LIN7A: variants seen among roughly 807,000 people sequenced by gnomAD.
LIN7A encodes the protein lin-7 cell polarity scaffold A, also known as protein lin-7 homolog A.
A neutral mutation model predicts 29.8 loss-of-function variants in LIN7A; 25 were observed. The observed-to-expected ratio is 0.84, with a 90% CI of 0.61 to 1.17. The LOEUF (loss-of-function observed/expected upper bound fraction) is 1.17, where lower values mean the gene tolerates loss of function less well. Among genes scored for constraint, LIN7A ranks in the 50% most tolerant of loss-of-function variants. The pLI is 0.00. For missense variants in LIN7A, 239 were observed against 287.0 expected (o/e 0.83, Z 1.21); for synonymous variants, 118 against 107.5 (o/e 1.10, Z -0.60).
intron 4 of LIN7A, among the ~76,000 whole-genome samples, chr12:80,818,460 C>CT (rs1253458560): frequency 6.6e-6 from 1 of 152,104 alleles, no homozygotes; most frequent in African/African-American, 2.4e-5. Flanking sequence ...CCTAGGTCAC[C>CT]AGCTAGTAAG....
chr12:80,926,374 A>G (rs2120917361), intron 1 of LIN7A, among the ~76,000 whole-genome samples: 1 of 152,134 alleles, frequency 6.6e-6, no homozygotes, highest in East Asian at 1.9e-4. Flanking sequence ...ATTATAAATT[A>G]CTTTTCCATC....
intron 5 of LIN7A, among the ~76,000 whole-genome samples, chr12:80,804,258 T>A (rs1870863256): frequency 6.6e-6 from 1 of 152,140 alleles, no homozygotes; most frequent in East Asian, 1.9e-4. Flanking sequence ...TTTAAGGGTA[T>A]AGCTAAATTA....
At chr12:80,818,401 C>A (rs1282897989) in intron 4 of LIN7A, among the ~76,000 whole-genome samples, 1 of 152,134 alleles carries the variant, frequency 6.6e-6, no homozygotes, top group African/African-American at 2.4e-5. Flanking sequence ...TTTATCTAAT[C>A]CTTGCAACAT....
At chr12:80,799,919 G>A (rs1026909599) in intron 5 of LIN7A, among the ~76,000 whole-genome samples, 1 of 152,094 alleles carries the variant, frequency 6.6e-6, no homozygotes, top group Non-Finnish European at 1.5e-5. Flanking sequence ...GACTGAGATG[G>A]AAGAACTATG....
At chr12:80,805,428 A>T (rs1870930475) in intron 5 of LIN7A, among the ~76,000 whole-genome samples, 2 of 152,070 alleles carry the variant, frequency 1.3e-5, no homozygotes, top group Admixed American at 6.6e-5. Flanking sequence ...GAGGAAAAAG[A>T]GATTTGGTGA....
intron 1 of LIN7A, among the ~76,000 whole-genome samples, chr12:80,917,320 C>A (rs1877075398): frequency 6.6e-6 from 1 of 152,128 alleles, no homozygotes; most frequent in Non-Finnish European, 1.5e-5. Context: ...GAATATTAGA[C>A]AATGGGAAGC....
chr12:80,909,631 G>C (rs1876654002), intron 1 of LIN7A, among the ~76,000 whole-genome samples: 1 of 151,966 alleles, frequency 6.6e-6, no homozygotes, highest in African/African-American at 2.4e-5. Context: ...TTTTTTATAA[G>C]AGCATTAATC....
At chr12:80,919,612 A>G (rs1877198301) in intron 1 of LIN7A, among the ~76,000 whole-genome samples, 1 of 152,036 alleles carries the variant, frequency 6.6e-6, no homozygotes, top group Non-Finnish European at 1.5e-5. Flanking sequence ...AAAGCCAAAA[A>G]CCCTCTATCC....
chr12:80,891,681 G>A (rs944503627), intron 1 of LIN7A, among the ~76,000 whole-genome samples: 2 of 152,110 alleles, frequency 1.3e-5, no homozygotes, highest in Admixed American at 6.6e-5. Flanking sequence ...AAGCACTACA[G>A]GATTGTCCAT....
intron 2 of LIN7A, among the ~76,000 whole-genome samples, chr12:80,875,952 A>C (rs998041241): frequency 2.0e-5 from 3 of 152,136 alleles, no homozygotes; most frequent in African/African-American, 7.2e-5. Flanking sequence ...TTTGGATCTC[A>C]TGTGCAAAGA....
At chr12:80,814,587 G>C (rs1871444345) in intron 4 of LIN7A, among the ~76,000 whole-genome samples, 1 of 151,890 alleles carries the variant, frequency 6.6e-6, no homozygotes, top group Non-Finnish European at 1.5e-5. Flanking sequence ...GCCACAGGAG[G>C]GCTGTGGTAC....
At position 80,811,472 on chromosome 12, in the gene LIN7A, A is replaced by G. The variant is rs1357312922; in HGVS notation, c.695T>C (p.Met232Thr). ...QQQQQTQQNH[M>T]S ...GAATAAGTCACTTCTCACCTATGACATGTGGTTTTGTTGTGTTTGTTGCTG... is the reference window on the plus strand; with the variant it reads ...GAATAAGTCACTTCTCACCTATGACGTGTGGTTTTGTTGTGTTTGTTGCTG... Residue 232 changes from methionine (M) to threonine (T), a missense_variant, in exon 5 of 6, where the codon ATG becomes ACG. Transcript: ENST00000552864. 1 of 1,312,208 alleles carries G rather than the reference A, an allele frequency of 7.6e-7. No individual in the cohort carries two copies. The highest frequency in any genetic ancestry group is 1.1e-6 in the Non-Finnish European group (1 of 928,998). The allele number at this position is 1,312,208 out of a possible 1,614,324, so 81.3% of individuals were successfully genotyped here. A position where few individuals can be genotyped will look rare whatever the true frequency, so the allele number is the denominator to read the frequency against.
At chr12:80,929,096 T>A (rs1162612663) in intron 1 of LIN7A, among the ~76,000 whole-genome samples, 1 of 152,192 alleles carries the variant, frequency 6.6e-6, no homozygotes, top group Non-Finnish European at 1.5e-5. Flanking sequence ...TATTATTATG[T>A]TGGTGCAAAA....
intron 4 of LIN7A, among the ~76,000 whole-genome samples, chr12:80,825,138 A>T (rs2220905): frequency 0.1 from 15,479 of 152,220 alleles, 852 homozygotes; most frequent in East Asian, 0.18. Context: ...AATTTTTTTT[A>T]AAAATCAATA....
At chr12:80,854,298 G>A (rs1873481708) in intron 2 of LIN7A, among the ~76,000 whole-genome samples, 1 of 151,746 alleles carries the variant, frequency 6.6e-6, no homozygotes, top group Non-Finnish European at 1.5e-5. Flanking sequence ...CAACTGGCTG[G>A]GCACAGTGGC....
intron 4 of LIN7A, among the ~76,000 whole-genome samples, chr12:80,828,730 C>A (rs1370109188): frequency 6.6e-6 from 1 of 152,118 alleles, no homozygotes; most frequent in East Asian, 1.9e-4. Context: ...GGAGGCTGAC[C>A]TCTTAATCAC....
intron 5 of LIN7A, among the ~76,000 whole-genome samples, chr12:80,807,019 C>A (rs995540057): frequency 3.5e-5 from 5 of 144,596 alleles, no homozygotes; most frequent in African/African-American, 5.2e-5. Context: ...ACTAAAAATA[C>A]TAGTCTGTGG....
chr12:80,927,933 C>A (rs1877693333), intron 1 of LIN7A, among the ~76,000 whole-genome samples: 2 of 152,122 alleles, frequency 1.3e-5, no homozygotes, highest in Non-Finnish European at 2.9e-5. Flanking sequence ...GTTCAATTCC[C>A]ATCTATGAGT....
chr12:80,828,795 A>ATGTGGGG (rs968402387), intron 4 of LIN7A, among the ~76,000 whole-genome samples: 4 of 151,602 alleles, frequency 2.6e-5, no homozygotes, highest in African/African-American at 9.7e-5. Flanking sequence ...AAGTAAATAA[A>ATGTGGGG]TGTGGGGTGT....
Sources: gnomAD v4.1 joint callset for allele counts (sites outside exome capture counted in the v4.1 genomes callset) on GRCh38, gnomAD v4.1.1 for gene constraint, MANE v1.5 for transcripts, NCBI Gene and HGNC (gene_info 2026-07-23, HGNC 2026-07-21) for gene names.